Variants in XYLT2 observed in about 807,000 individuals in gnomAD.
The protein encoded by XYLT2 is UDP-D-xylose:proteoglycan core protein beta-D-xylosyltransferase.
A neutral mutation model predicts 82.6 loss-of-function variants in XYLT2; 37 were observed. That is an observed-to-expected ratio of 0.45 (90% CI 0.34 to 0.59). The LOEUF (loss-of-function observed/expected upper bound fraction) is 0.59. Among genes scored for constraint, XYLT2 ranks in the 20% least tolerant of loss-of-function variants. The pLI, the probability that XYLT2 is intolerant of heterozygous loss-of-function variation, is 0.01. For synonymous variants in XYLT2, 474 were observed against 499.0 expected (o/e 0.95, Z 0.67); for missense variants, 934 against 1,181.3 (o/e 0.79, Z 3.07).
intron 1 of XYLT2, among the ~76,000 whole-genome samples, chr17:50,349,977 A>G (rs113018984): frequency 0.051 from 7,348 of 145,322 alleles, 302 homozygotes; most frequent in Middle Eastern, 0.085. Flanking sequence ...GAGGTCAGGA[A>G]TTTGAGACCA....
rs758611818 is a variant in XYLT2 at position 50,354,140 on chromosome 17, T to C, written c.628+18T>C. ...GCTGACTGGTGAGGGACAGGGGTGC[T>C]CCAGCCCTTCCCAGGCGGGGGCAGG... is the stretch of plus-strand genomic sequence containing the variant. On this transcript the variant is annotated intron_variant, in intron 2 of 10. Transcript: ENST00000017003. 9 of 1,600,142 alleles carry C rather than the reference T, an allele frequency of 5.6e-6. No individual in the cohort carries two copies. In the East Asian group the frequency reaches 1.8e-4, roughly 32 times the overall value.
chr17:50,358,119 G>T, intron 9 of XYLT2, 88 bp from the exon 10 acceptor site: 3 of 1,239,154 alleles, frequency 2.4e-6, no homozygotes, highest in South Asian at 3.1e-5. Context: ...ACAGTGACTG[G>T]CCTGAGATTA....
Position 50,356,752 on chromosome 17 carries a change from C to T in XYLT2, c.1724C>T (p.Pro575Leu). The T allele has an allele frequency of 6.2e-7, 1 of 1,604,594 alleles. No individual in the cohort carries two copies. Among genetic ancestry groups the T allele is most frequent in the East Asian group, 2.2e-5 (1 of 44,866 alleles). ...SLHHAATAAP[P>L]MGTPLCRFEP... ...CACCATGCCGCCACTGCTGCACCCC[C>T]AATGGGCACCCCACTCTGCAGGTGA... Residue 575 changes from proline to leucine, a missense_variant, in exon 8 of 11, where the codon CCA (proline) becomes CTA (leucine). Transcript: ENST00000017003.
chr17:50,357,487 A>G (rs1313750811), intron 9 of XYLT2: 5 of 480,026 alleles, frequency 1.0e-5, no homozygotes, highest in Non-Finnish European at 1.5e-5. Context: ...TATCAGTTCC[A>G]CTACAACACA....
At chr17:50,354,232 T>G (rs1912410434) in intron 2 of XYLT2, 110 bp downstream of exon 2, 11 of 1,544,740 alleles carry the variant, frequency 7.1e-6, no homozygotes, top group Non-Finnish European at 9.6e-6. Flanking sequence ...GGATCCTACC[T>G]CCCTGCCTAA....
At position 50,356,656 on chromosome 17, in the gene XYLT2, C is replaced by T. The variant is rs755122467; in HGVS notation, c.1628C>T (p.Ala543Val). The change falls in exon 8 of 11, where the codon GCG (alanine) becomes GTG (valine). Residue 543 changes from alanine (A) to valine (V), a missense_variant. Coordinates refer to ENST00000017003, the MANE Select transcript of XYLT2 (RefSeq NM_022167.4). The stretch of plus-strand genomic sequence containing the variant: ...GCCTACTGGGAGAACACCTACGACG[C>T]GGCTGATGGCCCCAGTGGGCTCAGT... ...LKAYWENTYD[A>V]ADGPSGLSDV... The T allele has an allele frequency of 1.1e-5, 17 of 1,614,008 alleles. No homozygotes were observed. Among genetic ancestry groups the T allele is most frequent in the Middle Eastern group, 3.3e-4 (2 of 6,062 alleles).
intron 9 of XYLT2, 60 bp downstream of exon 9, chr17:50,357,312 A>G (rs1405564040): frequency 1.4e-6 from 2 of 1,453,436 alleles, no homozygotes; most frequent in East Asian, 2.5e-5. Context: ...GGTAGTGGGA[A>G]GAGAGGGACA....
rs9915158 is a variant in XYLT2 at position 50,354,709 on chromosome 17, A to G, written c.804+126A>G. Reference sequence around the variant, plus strand: ...GGGAAACTGAGGCCCTGAACAGGGGAGTGGCAGCACGAGCCAGCTCAGCCG... The same window carrying G: ...GGGAAACTGAGGCCCTGAACAGGGGGGTGGCAGCACGAGCCAGCTCAGCCG... On this transcript the variant is annotated intron_variant, in intron 3 of 10. Coordinates refer to ENST00000017003, the MANE Select transcript of XYLT2 (RefSeq NM_022167.4). 0.023 allele frequency: 34,730 copies of G among 1,518,444 alleles called. 1,866 individuals carry two copies. Among genetic ancestry groups the G allele is most frequent in the African/African-American group, 0.21 (15,209 of 73,188 alleles). 94.1% of individuals were successfully genotyped at this position (1,518,444 alleles called of 1,614,324 possible).
intron 9 of XYLT2, 92 bp from the exon 10 acceptor site, chr17:50,358,115 A>G: frequency 8.3e-7 from 1 of 1,200,384 alleles, no homozygotes; most frequent in South Asian, 1.6e-5. Flanking sequence ...AGAGACAGTG[A>G]CTGGCCTGAG....
chr17:50,355,888 C>A lies in XYLT2; in HGVS notation c.1196C>A (p.Ser399Tyr). ...IPAGIVVDGG[S>Y]DWFVLTRSFV... ...GCAGGCATTGTGGTGGATGGCGGTTCTGACTGGTTCGTGCTGACACGCAGC... is the reference window on the plus strand; with the variant it reads ...GCAGGCATTGTGGTGGATGGCGGTTATGACTGGTTCGTGCTGACACGCAGC... The change falls in exon 6 of 11, where the codon TCT becomes TAT. Residue 399 changes from serine (S) to tyrosine (Y), a missense_variant. This residue lies in a region of XYLT2 where 189 missense variants were observed against 320.8 expected (regional missense o/e 0.59). Transcript: ENST00000017003. 6.2e-7 allele frequency: 1 copy of A among 1,614,240 alleles called. No homozygotes were observed. Among genetic ancestry groups the A allele is most frequent in the Non-Finnish European group, 8.5e-7 (1 of 1,180,044 alleles).
chr17:50,354,874 G>C lies in XYLT2; in HGVS notation c.825G>C (p.Arg275=), dbSNP rs1354868151. 1.2e-6 allele frequency: 2 copies of C among 1,613,274 alleles called. No individual in the cohort carries two copies. Among genetic ancestry groups the C allele is most frequent in the Admixed American group, 3.3e-5 (2 of 59,874 alleles). Residue 275 remains arginine (R), a synonymous_variant, in exon 4 of 11, where the codon CGG becomes CGC. Coordinates refer to ENST00000017003, the MANE Select transcript of XYLT2 (RefSeq NM_022167.4). ...HVDKRSDYLH[R]EVVELAQGYD... ...ACCAGCGTTCCGACTACCTGCACCG[G>C]GAGGTGGTGGAGCTGGCCCAGGGCT...
At position 50,358,464 on chromosome 17, in the gene XYLT2, G is replaced by T. The variant is rs750593452; in HGVS notation, c.2199G>T (p.Gln733His). The T allele has an allele frequency of 6.2e-7, 1 of 1,614,204 alleles. No homozygotes were observed. The highest frequency in any genetic ancestry group is 1.7e-5 in the Admixed American group (1 of 60,028). Reference protein sequence around the residue: ...RPGPWTVRLLQFWEPLGETRF... With the variant: ...RPGPWTVRLLHFWEPLGETRF... Reference sequence around the variant, plus strand: ...GGCCCTGGACTGTTCGACTCCTTCAGTTCTGGGAACCGCTGGGTGAGACCC... The same window carrying T: ...GGCCCTGGACTGTTCGACTCCTTCATTTCTGGGAACCGCTGGGTGAGACCC... Residue 733 changes from glutamine to histidine, a missense_variant, in exon 10 of 11, where the codon CAG (glutamine) becomes CAT (histidine). This residue lies in a region of XYLT2 where 374 missense variants were observed against 465.6 expected (regional missense o/e 0.80). Transcript: ENST00000017003.
chr17:50,355,576 C>T lies in XYLT2; in HGVS notation c.1083C>T (p.Asn361=). ...TCCTCAAGTCACATGGCCGGGACAA[C>T]TCCAGGTGAGGGGGTGGGGAAGGAG... ...KNFLKSHGRD[N]SRFIKKQGLD... Residue 361 remains asparagine, a synonymous_variant, in exon 5 of 11, where the codon AAC becomes AAT. Transcript: ENST00000017003. 6 of 1,614,068 alleles carry T rather than the reference C, an allele frequency of 3.7e-6. No homozygotes were observed. Among genetic ancestry groups the T allele is most frequent in the Non-Finnish European group, 5.1e-6 (6 of 1,179,988 alleles).
intron 2 of XYLT2, 121 bp downstream of exon 2, chr17:50,354,243 G>C: frequency 6.5e-7 from 1 of 1,531,968 alleles, no homozygotes; most frequent in Non-Finnish European, 8.7e-7. Context: ...CCCTGCCTAA[G>C]TCTTCATCCA....
Position 50,353,621 on chromosome 17 carries a change from C to T in XYLT2, c.136-9C>T. ...CTGCCCCAGTGATGTGTCTGCATCT[C>T]TCTTACAGAAAGGAAGGCAGAGGAA... On this transcript the variant is annotated splice_polypyrimidine_tract_variant and intron_variant, in intron 1 of 10. Coordinates refer to ENST00000017003, the MANE Select transcript of XYLT2 (RefSeq NM_022167.4). The T allele has an allele frequency of 6.4e-7, 1 of 1,559,304 alleles. No individual in the cohort carries two copies. Among genetic ancestry groups the T allele is most frequent in the Non-Finnish European group, 8.7e-7 (1 of 1,151,362 alleles).
intron 1 of XYLT2, among the ~76,000 whole-genome samples, chr17:50,347,243 T>C (rs1330417744): frequency 6.6e-6 from 1 of 152,172 alleles, no homozygotes; most frequent in Admixed American, 6.5e-5. Context: ...CCAGCGCCCC[T>C]GTTCTGCTGC....
intron 1 of XYLT2, among the ~76,000 whole-genome samples, chr17:50,351,072 G>T (rs369333802): frequency 1.3e-5 from 2 of 152,292 alleles, no homozygotes; most frequent in African/African-American, 4.8e-5. Context: ...CTCCTGTAAG[G>T]GCCTTGGTTT....
Position 50,360,292 on chromosome 17 carries a change from C to T in XYLT2, c.*1C>T. On this transcript the variant is annotated 3_prime_UTR_variant, in exon 11 of 11. Transcript: ENST00000017003. ...CAAAGCAGACGGGCGACTCAGGTAGCAGGGCCCCAGCCAGTACCCGTGGAG... is the reference window on the plus strand; with the variant it reads ...CAAAGCAGACGGGCGACTCAGGTAGTAGGGCCCCAGCCAGTACCCGTGGAG... 1 of 1,580,252 alleles carries T rather than the reference C, an allele frequency of 6.3e-7. No individual in the cohort carries two copies. The highest frequency in any genetic ancestry group is 8.6e-7 in the Non-Finnish European group (1 of 1,161,938).
At chr17:50,351,169 C>T (rs1912253968) in intron 1 of XYLT2, among the ~76,000 whole-genome samples, 1 of 152,120 alleles carries the variant, frequency 6.6e-6, no homozygotes, top group Admixed American at 6.5e-5. Context: ...ACACCAGCTG[C>T]TGTGATGAGA....
Sources: gnomAD v4.1 joint callset for allele counts (sites outside exome capture counted in the v4.1 genomes callset) on GRCh38, gnomAD v4.1.1 for gene constraint, gnomAD v4.1.1 regional missense constraint, MANE v1.5 for transcripts, NCBI Gene and HGNC (gene_info 2026-07-23, HGNC 2026-07-21) for gene names.